GSE1: variants seen among roughly 807,000 people sequenced by gnomAD.
GSE1 encodes genetic suppressor element 1.
In GSE1, 32 loss-of-function variants were observed where a neutral mutation model predicts 112.6. The observed-to-expected ratio is 0.28, with a 90% CI of 0.21 to 0.38. The LOEUF (loss-of-function observed/expected upper bound fraction) is 0.38, where lower values mean the gene tolerates loss of function less well. Among genes scored for constraint, GSE1 ranks in the 10% least tolerant of loss-of-function variants. The probability of loss-of-function intolerance (pLI) is 1.00; values close to 1 mark genes in which losing one functional copy is unlikely to be tolerated. For missense variants in GSE1, 2,348 were observed against 1,699.2 expected (o/e 1.38, Z -6.71); for synonymous variants, 1,115 against 735.6 (o/e 1.52, Z -8.35).
chr16:85,443,547 G>A (rs2049433555), intron 2 of GSE1, among the ~76,000 whole-genome samples: 1 of 152,250 alleles, frequency 6.6e-6, no homozygotes, highest in African/African-American at 2.4e-5. Flanking sequence ...TATTATTCTG[G>A]GTAGAAACTT....
chr16:85,263,238 T>C (rs1028644591), intron 1 of GSE1, among the ~76,000 whole-genome samples: 18 of 152,296 alleles, frequency 1.2e-4, no homozygotes, highest in African/African-American at 4.1e-4. Context: ...CATGCTTGTT[T>C]AGCAAAGATC....
At chr16:85,323,722 G>C (rs1161823847) in intron 1 of GSE1, among the ~76,000 whole-genome samples, 1 of 152,202 alleles carries the variant, frequency 6.6e-6, no homozygotes, top group Non-Finnish European at 1.5e-5. Flanking sequence ...CGGCCCCAAG[G>C]GGGGCAACTG....
chr16:85,375,067 G>A (rs1184972369), intron 2 of GSE1, among the ~76,000 whole-genome samples: 1 of 152,186 alleles, frequency 6.6e-6, no homozygotes, highest in Non-Finnish European at 1.5e-5. Context: ...TAATCTCTCT[G>A]CACTGCTGCC....
intron 1 of GSE1, among the ~76,000 whole-genome samples, chr16:85,190,625 C>A (rs1438512372): frequency 6.6e-6 from 1 of 152,254 alleles, no homozygotes; most frequent in Non-Finnish European, 1.5e-5. Context: ...GGGACTTGCC[C>A]ACCAATACGG....
chr16:85,668,536 C>T (rs759119821), intron 14 of GSE1, 112 bp downstream of exon 14: 3 of 714,962 alleles, frequency 4.2e-6, no homozygotes, highest in East Asian at 2.6e-5. Context: ...GTTTCTCCGT[C>T]CTGGGGCACA....
At chr16:85,179,831 A>G (rs1324417585) in intron 1 of GSE1, among the ~76,000 whole-genome samples, 1 of 152,212 alleles carries the variant, frequency 6.6e-6, no homozygotes, top group African/African-American at 2.4e-5. Flanking sequence ...AACCCTGGGC[A>G]TCAGAAGCCT....
intron 2 of GSE1, among the ~76,000 whole-genome samples, chr16:85,364,889 G>A (rs1254480744): frequency 2.0e-5 from 3 of 152,282 alleles, no homozygotes; most frequent in East Asian, 1.9e-4. Context: ...GAGACGGCAC[G>A]GGTCAGAGGC....
chr16:85,660,043 G>A (rs1032368358), intron 8 of GSE1, among the ~76,000 whole-genome samples: 60 of 152,246 alleles, frequency 3.9e-4, no homozygotes, highest in African/African-American at 1.4e-3. Flanking sequence ...CTGCCTGCGG[G>A]GACAGTGGGG....
chr16:85,247,504 C>A (rs1371075658), intron 1 of GSE1, among the ~76,000 whole-genome samples: 1 of 152,158 alleles, frequency 6.6e-6, no homozygotes, highest in African/African-American at 2.4e-5. Context: ...GGGCCGGACC[C>A]GCACGTCATG....
intron 1 of GSE1, among the ~76,000 whole-genome samples, chr16:85,605,433 C>T (rs2047661380): frequency 6.6e-6 from 1 of 152,084 alleles, no homozygotes; most frequent in African/African-American, 2.4e-5. Flanking sequence ...TCTGTGCTGC[C>T]ACCTTTCCAC....
chr16:85,248,139 T>C (rs1421277766), intron 1 of GSE1, among the ~76,000 whole-genome samples: 1 of 152,186 alleles, frequency 6.6e-6, no homozygotes, highest in Non-Finnish European at 1.5e-5. Context: ...GGCAGGACCC[T>C]GCTGCTCATC....
chr16:85,390,452 T>C (rs1337388613), intron 2 of GSE1, among the ~76,000 whole-genome samples: 1 of 152,086 alleles, frequency 6.6e-6, no homozygotes, highest in Non-Finnish European at 1.5e-5. Context: ...GAGCCCTAAT[T>C]CTAAGAGCTA....
At position 85,495,285 on chromosome 16, in the gene GSE1, G is replaced by A. The variant is rs1215869412; in HGVS notation, c.2464+137642G>A. 2.0e-5 allele frequency among the ~76,000 whole-genome samples: 3 copies of A among 151,996 alleles called. No individual in the cohort carries two copies. In the East Asian group the frequency reaches 5.8e-4, roughly 29 times the overall value. The stretch of plus-strand genomic sequence containing the variant: ...TTTTCTGAGGCAAAGGGTGGTGTGG[G>A]GGCGAGGAGGGAGCACTGGAGTGGG... On this transcript the variant is annotated intron_variant, in intron 2 of 2. Coordinates refer to the GSE1 transcript ENST00000637419.
chr16:85,371,583 G>T (rs917112861), intron 2 of GSE1, among the ~76,000 whole-genome samples: 1 of 152,188 alleles, frequency 6.6e-6, no homozygotes, highest in African/African-American at 2.4e-5. Flanking sequence ...GGCCACAGCT[G>T]ACAGCCTTCT....
intron 2 of GSE1, among the ~76,000 whole-genome samples, chr16:85,364,451 T>C (rs1248723845): frequency 6.6e-6 from 1 of 152,216 alleles, no homozygotes; most frequent in African/African-American, 2.4e-5. Context: ...TAGACATCTT[T>C]TGAGTCCGTG....
At chr16:85,445,238 C>A (rs566297647) in intron 2 of GSE1, among the ~76,000 whole-genome samples, 1 of 152,336 alleles carries the variant, frequency 6.6e-6, no homozygotes, top group South Asian at 2.1e-4. Flanking sequence ...GAGCAGCTGC[C>A]ACGTGCGGTA....
chr16:85,579,475 C>T (rs1270580322), intron 1 of GSE1, among the ~76,000 whole-genome samples: 4 of 152,214 alleles, frequency 2.6e-5, no homozygotes, highest in African/African-American at 9.7e-5. Context: ...CGGCCTGGCC[C>T]TGGCGCTGGG....
chr16:85,443,493 G>A (rs561255828), intron 2 of GSE1, among the ~76,000 whole-genome samples: 139 of 152,360 alleles, frequency 9.1e-4, no homozygotes, highest in African/African-American at 3.2e-3. Flanking sequence ...GATGGAAGGC[G>A]CTTCCACCTG....
intron 1 of GSE1, among the ~76,000 whole-genome samples, chr16:85,228,941 C>T (rs188798127): frequency 6.6e-6 from 1 of 152,246 alleles, no homozygotes; most frequent in Non-Finnish European, 1.5e-5. Context: ...AGCCTTGCAG[C>T]CTGTTCTGAG....
Sources: allele counts gnomAD v4.1 joint callset (sites outside exome capture counted in the v4.1 genomes callset), GRCh38; gene constraint gnomAD v4.1.1; transcripts MANE v1.5; gene names NCBI Gene and HGNC (gene_info 2026-07-23, HGNC 2026-07-21).